The following DPH7 variants were observed in gnomAD, a reference collection of about 807,000 sequenced individuals.
DPH7 encodes diphthine methyltransferase.
Under a neutral mutation model 41.7 loss-of-function variants are expected in DPH7, and 44 were observed. That is an observed-to-expected ratio of 1.05 (90% CI 0.83 to 1.36). The LOEUF (loss-of-function observed/expected upper bound fraction) is 1.36. Among genes scored for constraint, DPH7 ranks in the 40% most tolerant of loss-of-function variants. The pLI, the probability that DPH7 is intolerant of heterozygous loss-of-function variation, is 0.00. For synonymous variants in DPH7, 275 were observed against 238.0 expected (o/e 1.16, Z -1.43); for missense variants, 629 against 577.5 (o/e 1.09, Z -0.91).
chr9:137,561,345 C>A (rs773639781), intron 8 of DPH7, among the ~76,000 whole-genome samples: 1 of 151,930 alleles, frequency 6.6e-6, no homozygotes, highest in Non-Finnish European at 1.5e-5. Flanking sequence ...AAATGCACGA[C>A]CCCGGCCAAC....
chr9:137,577,514 G>C lies in DPH7; in HGVS notation c.243C>G (p.Val81=). The change falls in exon 2 of 9, where the codon GTC becomes GTG. Residue 81 remains valine, a synonymous_variant. Transcript: ENST00000277540. ...CAGAAGTATCTTTTCTTTGGACCTC[G>C]ACCAGAGGGTGAATAGAGTTGTTGT... ...FNDNNSIHPL[V]EVQRKDTSAI... 1.9e-6 allele frequency: 3 copies of C among 1,613,938 alleles called. No homozygotes were observed. Among genetic ancestry groups the C allele is most frequent in the Admixed American group, 3.3e-5 (2 of 60,022 alleles).
At chr9:137,565,229 G>A (rs1268974151) in intron 5 of DPH7, 75 bp from the exon 6 acceptor site, 9 of 1,499,540 alleles carry the variant, frequency 6.0e-6, no homozygotes, top group Non-Finnish European at 8.3e-6. Context: ...GTTGATGTCT[G>A]TGAGGAAGCT....
chr9:137,573,360 CAAAAAAAAA>C (rs34523698), intron 5 of DPH7, among the ~76,000 whole-genome samples: 1 of 40,282 alleles, frequency 2.5e-5, no homozygotes. Context: ...GACTCCATCT[CAAAAAAAAA>C]AAAAAAAAAA....
At chr9:137,577,052 T>TC (rs1554808938) in intron 2 of DPH7, among the ~76,000 whole-genome samples, 1 of 87,460 alleles carries the variant, frequency 1.1e-5, no homozygotes, top group African/African-American at 6.4e-5. Flanking sequence ...AAACCCTGCC[T>TC]CAAAAAAAAA....
chr9:137,556,000 G>A (rs1325053226), intron 8 of DPH7, among the ~76,000 whole-genome samples: 2 of 152,110 alleles, frequency 1.3e-5, no homozygotes, highest in African/African-American at 2.4e-5. Context: ...GGGAAGGAAG[G>A]GGATGTCTGA....
At chr9:137,561,191 G>A (rs144517962) in intron 8 of DPH7, among the ~76,000 whole-genome samples, 3 of 152,238 alleles carry the variant, frequency 2.0e-5, no homozygotes, top group Non-Finnish European at 4.4e-5. Context: ...GAGGAAAATA[G>A]TATCTCTTCA....
intron 5 of DPH7, among the ~76,000 whole-genome samples, chr9:137,568,827 C>G (rs556335398): frequency 6.6e-6 from 1 of 152,214 alleles, no homozygotes; most frequent in South Asian, 2.1e-4. Context: ...TCACAGGGGC[C>G]GTTACTAGGT....
chr9:137,561,411 G>A (rs1034687120), intron 8 of DPH7, among the ~76,000 whole-genome samples: 1 of 152,038 alleles, frequency 6.6e-6, no homozygotes. Flanking sequence ...GTGGTGGCAG[G>A]TGCCTGTATT....
In DPH7 at chr9:137,577,621, G is replaced by T; in HGVS notation, c.154-18C>A. 1 of 1,610,736 alleles carries T rather than the reference G, an allele frequency of 6.2e-7. No homozygotes were observed. Among genetic ancestry groups the T allele is most frequent in the Non-Finnish European group, 8.5e-7 (1 of 1,178,292 alleles). On this transcript the variant is annotated intron_variant, in intron 1 of 8. Transcript: ENST00000277540. ...ATTCCACCCTACAAAAAATGCAGAG[G>T]TAGTCTCTGATTATCCCAAGACACG...
intron 7 of DPH7, 79 bp from the exon 8 acceptor site, chr9:137,564,685 A>C: frequency 1.3e-6 from 2 of 1,551,078 alleles, no homozygotes; most frequent in Non-Finnish European, 8.8e-7. Flanking sequence ...GGGGCACAGA[A>C]CGTCTCCCAG....
Position 137,555,343 on chromosome 9 carries a change from C to CA in DPH7, c.1254dup (p.Asp419Ter). The CA allele has an allele frequency of 6.2e-7, 1 of 1,614,202 alleles. No homozygotes were observed. Among genetic ancestry groups the CA allele is most frequent in the Non-Finnish European group, 8.5e-7 (1 of 1,180,030 alleles). On this transcript the variant is annotated frameshift_variant, in exon 9 of 9. Transcript: ENST00000277540. LOFTEE classifies it low-confidence loss of function (END_TRUNC). ...GCTTCTTCTGGGTTCACGCCACAGT[C>CA]ACGTGTGGTGGCTGCTGTAGCCTGC...
intron 8 of DPH7, among the ~76,000 whole-genome samples, chr9:137,560,054 A>G (rs1838247902): frequency 1.3e-5 from 2 of 152,246 alleles, no homozygotes; most frequent in African/African-American, 4.8e-5. Context: ...CACAATTTTT[A>G]CAAAAGCAGT....
intron 5 of DPH7, among the ~76,000 whole-genome samples, chr9:137,572,268 T>C (rs1357671458): frequency 6.6e-6 from 1 of 152,174 alleles, no homozygotes; most frequent in Non-Finnish European, 1.5e-5. Context: ...ACTGAGGGAA[T>C]GTGGACTATT....
chr9:137,572,925 T>C (rs1185737258), intron 5 of DPH7, among the ~76,000 whole-genome samples: 1 of 152,184 alleles, frequency 6.6e-6, no homozygotes, highest in African/African-American at 2.4e-5. Context: ...GAAACTGGAC[T>C]TCCAGTAAAA....
At chr9:137,557,511 A>C (rs1423619064) in intron 8 of DPH7, among the ~76,000 whole-genome samples, 2 of 151,756 alleles carry the variant, frequency 1.3e-5, no homozygotes, top group African/African-American at 4.8e-5. Context: ...TCTCAAAAAA[A>C]AAAAATTGTT....
chr9:137,571,329 G>A (rs1321459951), intron 5 of DPH7, among the ~76,000 whole-genome samples: 2 of 151,960 alleles, frequency 1.3e-5, no homozygotes, highest in African/African-American at 4.8e-5. Context: ...TGGGACTACA[G>A]GCGCCTGCCA....
In DPH7 at chr9:137,555,934, G is replaced by A. The variant is rs543034486; in HGVS notation, c.950-286C>T. Among the ~76,000 whole-genome samples the A allele has an allele frequency of 1.2e-4, 18 of 152,352 alleles. 1 individual carries two copies. In the South Asian group the frequency reaches 3.7e-3, roughly 32 times the overall value. Reference sequence around the variant, plus strand: ...GAAGAATACGGCAAAAGCCAGAGAGGGGGAAAGACCTCAGTTAACACTTAA... The same window carrying A: ...GAAGAATACGGCAAAAGCCAGAGAGAGGGAAAGACCTCAGTTAACACTTAA... On this transcript the variant is annotated intron_variant, in intron 8 of 8. Transcript: ENST00000277540.
Position 137,556,918 on chromosome 9 carries a change from A to AT in DPH7, c.950-1271dup. On this transcript the variant is annotated intron_variant, in intron 8 of 8. Coordinates refer to ENST00000277540, the MANE Select transcript of DPH7 (RefSeq NM_138778.5). This position sits in a 1 kb window ranked among gnomAD's most constrained non-coding sequence, Gnocchi z 5.2. ...GGAAGACACTGTTGCGACCCCAAGA[A>AT]TGGGAGGCCCTTTCTGATTAGCCAC... 2.2e-6 allele frequency: 1 copy of AT among 456,146 alleles called. No individual in the cohort carries two copies. The allele number at this position is 456,146 out of a possible 1,614,324, so 28.3% of individuals were successfully genotyped here. A position where few individuals can be genotyped will look rare whatever the true frequency, so the allele number is the denominator to read the frequency against.
Position 137,564,513 on chromosome 9 carries a change from C to T in DPH7, c.870G>A (p.Trp290Ter), listed in dbSNP as rs1839210164. ...GGAGCAGGTGGTGGTGGAAAGGGTG[C>T]CACTTGATTCTCCATACCCCACCCT... is the stretch of plus-strand genomic sequence containing the variant. ...PVQGGVWRIK[W>*]HPFHHHLLLA... is the part of the protein sequence containing the mutation. The change falls in exon 8 of 9, where the codon TGG becomes TGA. Residue 290 changes from tryptophan (W) to a stop codon, truncating the protein, a stop_gained. Coordinates refer to ENST00000277540, the MANE Select transcript of DPH7 (RefSeq NM_138778.5). LOFTEE classifies it high-confidence loss of function. The T allele has an allele frequency of 2.5e-6, 4 of 1,614,116 alleles. No homozygotes were observed. Among genetic ancestry groups the T allele is most frequent in the Non-Finnish European group, 3.4e-6 (4 of 1,180,014 alleles).
Sources: allele counts gnomAD v4.1 joint callset (sites outside exome capture counted in the v4.1 genomes callset), GRCh38; gene constraint gnomAD v4.1.1; non-coding constraint Gnocchi (gnomAD v3.1); transcripts MANE v1.5; gene names NCBI Gene and HGNC (gene_info 2026-07-23, HGNC 2026-07-21).